The following OC90 variants were observed in gnomAD, a reference collection of about 807,000 sequenced individuals.
The protein encoded by OC90 is otoconin 90, also known as otoconin-90.
Under a neutral mutation model 47.3 loss-of-function variants are expected in OC90, and 46 were observed. The ratio of observed to expected loss-of-function variants is 0.97; its 90% CI spans 0.77 to 1.24. The LOEUF (loss-of-function observed/expected upper bound fraction) is 1.24, where lower values mean the gene tolerates loss of function less well. Ranked by LOEUF, OC90 falls within the 50% of genes most tolerant of loss-of-function variation. The pLI, the probability that OC90 is intolerant of heterozygous loss-of-function variation, is 0.00. For synonymous variants in OC90, 271 were observed against 219.5 expected, an observed-to-expected ratio of 1.23 and a Z score of -2.07; for missense variants, 688 against 583.9, an observed-to-expected ratio of 1.18 and a Z score of -1.84.
At chr8:132,043,125 A>G (rs977254309) in intron 4 of OC90, among the ~76,000 whole-genome samples, 1 of 152,250 alleles carries the variant, frequency 6.6e-6, no homozygotes, top group Non-Finnish European at 1.5e-5. Flanking sequence ...TGATGACAGT[A>G]TAAAACTATA....
chr8:132,031,805 G>A (rs1450201714), intron 12 of OC90, 76 bp downstream of exon 12: 5 of 1,321,354 alleles, frequency 3.8e-6, no homozygotes, highest in African/African-American at 1.4e-5. Flanking sequence ...TGGTGTCCAG[G>A]AGGGCTGTCA....
At chr8:132,044,640 G>A (rs1386341966) in intron 3 of OC90, among the ~76,000 whole-genome samples, 151 bp from the exon 4 acceptor site, 5 of 152,210 alleles carry the variant, frequency 3.3e-5, no homozygotes, top group Admixed American at 1.3e-4. Context: ...ACTAACACAG[G>A]TTACCATGGA....
At chr8:132,028,932 A>AAG in intron 13 of OC90, 141 bp downstream of exon 13, 5 of 553,882 alleles carry the variant, frequency 9.0e-6, no homozygotes, top group South Asian at 2.4e-5. Context: ...AAGGAAGGGA[A>AAG]GGAAGGAAGG....
At chr8:132,045,939 C>T in intron 2 of OC90, 56 bp from the exon 3 acceptor site, 1 of 1,003,190 alleles carries the variant, frequency 1.0e-6, no homozygotes. Flanking sequence ...AATTCACTTG[C>T]TGGACTAAGG....
chr8:132,057,207 A>G (rs1161885167), intron 1 of OC90, among the ~76,000 whole-genome samples: 6 of 152,232 alleles, frequency 3.9e-5, no homozygotes, highest in East Asian at 1.9e-4. Flanking sequence ...AGCTGCTACA[A>G]TGAAGGCCTT....
Position 132,024,416 on chromosome 8 carries a change from G to T in OC90, c.*65C>A. Reference sequence around the variant, plus strand: ...CTCCAAGGGACAGAGGAGGCTGAGAGATAAAGAGCTGAAGGTGGAGCAGGA... The same window carrying T: ...CTCCAAGGGACAGAGGAGGCTGAGATATAAAGAGCTGAAGGTGGAGCAGGA... On this transcript the variant is annotated 3_prime_UTR_variant, in exon 14 of 14. Coordinates refer to ENST00000254627, the MANE Select transcript of OC90 (RefSeq NM_001080399.3). 1 of 1,281,848 alleles carries T rather than the reference G, an allele frequency of 7.8e-7. No homozygotes were observed. Among genetic ancestry groups the T allele is most frequent in the Non-Finnish European group, 1.1e-6 (1 of 929,832 alleles). 79.4% of individuals were successfully genotyped at this position (1,281,848 alleles called of 1,614,324 possible).
intron 6 of OC90, 143 bp from the exon 7 acceptor site, chr8:132,039,266 T>G: frequency 1.0e-5 from 9 of 900,082 alleles, no homozygotes; most frequent in Middle Eastern, 2.4e-4. Flanking sequence ...ATGTCAGCTC[T>G]TATCTCTTTA....
chr8:132,039,258 G>A (rs1823017746), intron 6 of OC90, 135 bp from the exon 7 acceptor site: 2 of 938,576 alleles, frequency 2.1e-6, no homozygotes, highest in South Asian at 1.6e-5. Context: ...TCTCATTCAT[G>A]TCAGCTCTTA....
intron 1 of OC90, among the ~76,000 whole-genome samples, chr8:132,059,049 T>TC (rs1823312909): frequency 6.7e-6 from 1 of 150,298 alleles, no homozygotes; most frequent in Non-Finnish European, 1.5e-5. Context: ...TCTTTCCCTC[T>TC]CTCCCTCCCT....
intron 13 of OC90, among the ~76,000 whole-genome samples, chr8:132,028,758 GAGAT>G (rs758769607): frequency 5.7e-5 from 8 of 139,250 alleles, no homozygotes; most frequent in South Asian, 2.2e-4. Flanking sequence ...AAGGAAGAGA[GAGAT>G]AGAGAGAAAG....
At chr8:132,031,797 G>C (rs1276305930) in intron 12 of OC90, 84 bp downstream of exon 12, 10 of 1,215,866 alleles carry the variant, frequency 8.2e-6, no homozygotes, top group Non-Finnish European at 1.2e-5. Flanking sequence ...TTTCAGCCTG[G>C]TGTCCAGGAG....
intron 2 of OC90, among the ~76,000 whole-genome samples, chr8:132,053,136 C>A (rs1351652246): frequency 1.3e-5 from 2 of 152,118 alleles, no homozygotes; most frequent in African/African-American, 4.8e-5. Flanking sequence ...TTTATGGTTC[C>A]ATTCAAAGTT....
chr8:132,025,186 G>A (rs907066439), intron 13 of OC90, among the ~76,000 whole-genome samples: 1 of 152,214 alleles, frequency 6.6e-6, no homozygotes, highest in Non-Finnish European at 1.5e-5. Flanking sequence ...GTTACAGTAG[G>A]TAGATAGGCA....
At chr8:132,025,686 T>G (rs1822746728) in intron 13 of OC90, among the ~76,000 whole-genome samples, 1 of 152,228 alleles carries the variant, frequency 6.6e-6, no homozygotes, top group East Asian at 1.9e-4. Flanking sequence ...TCAAGTTGCC[T>G]GCTTGGCCCC....
chr8:132,028,461 C>T (rs542553148), intron 13 of OC90, among the ~76,000 whole-genome samples: 3 of 150,758 alleles, frequency 2.0e-5, no homozygotes, highest in South Asian at 2.1e-4. Flanking sequence ...AAGATTGTAC[C>T]GCTGTACTCC....
chr8:132,044,347 G>C, intron 4 of OC90, 86 bp downstream of exon 4: 4 of 774,428 alleles, frequency 5.2e-6, no homozygotes, highest in Non-Finnish European at 9.0e-6. Flanking sequence ...TCCGAGGGTT[G>C]AGACCAAGGC....
chr8:132,040,166 T>G (rs1823032546), intron 6 of OC90, among the ~76,000 whole-genome samples: 1 of 152,204 alleles, frequency 6.6e-6, no homozygotes, highest in African/African-American at 2.4e-5. Flanking sequence ...TCCTCCTTGA[T>G]GCTCCATACT....
chr8:132,050,312 G>A (rs1399784164), intron 2 of OC90, among the ~76,000 whole-genome samples: 1 of 152,154 alleles, frequency 6.6e-6, no homozygotes. Flanking sequence ...GTTCTAAGTA[G>A]GCACAGTGAC....
intron 12 of OC90, 89 bp from the exon 13 acceptor site, chr8:132,029,268 A>G (rs970625312): frequency 9.9e-7 from 1 of 1,005,226 alleles, no homozygotes; most frequent in African/African-American, 1.6e-5. Context: ...CACATACCCT[A>G]TAGTAGTGAG....
Sources: allele counts gnomAD v4.1 joint callset (sites outside exome capture counted in the v4.1 genomes callset), GRCh38; gene constraint gnomAD v4.1.1; transcripts MANE v1.5; gene names NCBI Gene and HGNC (gene_info 2026-07-23, HGNC 2026-07-21).